The following CTNNA2 variants were observed in gnomAD, a reference collection of about 807,000 sequenced individuals.
CTNNA2 encodes catenin alpha-2.
Under a neutral mutation model 101.0 loss-of-function variants are expected in CTNNA2, and 42 were observed. That is an observed-to-expected ratio of 0.42 (90% CI 0.32 to 0.54). The LOEUF (loss-of-function observed/expected upper bound fraction) is 0.54, where lower values mean the gene tolerates loss of function less well. Among genes scored for constraint, CTNNA2 ranks in the 20% least tolerant of loss-of-function variants. CTNNA2 has a pLI of 0.14. For synonymous variants in CTNNA2, 450 were observed against 456.4 expected (o/e 0.99, Z 0.18); for missense variants, 871 against 1,223.1 (o/e 0.71, Z 4.29).
chr2:79,289,249 A>G (rs929945857), intron 2 of CTNNA2, among the ~76,000 whole-genome samples: 1 of 152,228 alleles, frequency 6.6e-6, no homozygotes, highest in African/African-American at 2.4e-5. Flanking sequence ...TGACAGAGCC[A>G]GGGAAAGCAA....
intron 7 of CTNNA2, among the ~76,000 whole-genome samples, chr2:80,042,270 G>GT (rs1696115081): frequency 6.6e-6 from 1 of 151,906 alleles, no homozygotes; most frequent in South Asian, 2.1e-4. Flanking sequence ...TGACCTAGTT[G>GT]TTTTTTGTTT....
chr2:79,686,254 G>A (rs1222534464), intron 2 of CTNNA2, among the ~76,000 whole-genome samples: 1 of 152,076 alleles, frequency 6.6e-6, no homozygotes, highest in Non-Finnish European at 1.5e-5. Flanking sequence ...AGGCAAGAAG[G>A]ATTTGTTCAA....
chr2:79,403,482 G>A (rs1005632579), intron 4 of CTNNA2, among the ~76,000 whole-genome samples: 2 of 151,916 alleles, frequency 1.3e-5, no homozygotes, highest in South Asian at 2.1e-4. Context: ...TGGCTGGGGG[G>A]ACCATGTTAA....
chr2:79,493,173 C>A (rs1430637), intron 4 of CTNNA2, among the ~76,000 whole-genome samples: 50,199 of 149,120 alleles, frequency 0.34, 8,722 homozygotes, highest in Non-Finnish European at 0.38. Context: ...AAATTCTAAC[C>A]AAGACAAAGA....
chr2:79,418,693 TGAA>T (rs1678509296), intron 4 of CTNNA2, among the ~76,000 whole-genome samples: 1 of 152,094 alleles, frequency 6.6e-6, no homozygotes, highest in East Asian at 1.9e-4. Context: ...CTGCATGTTG[TGAA>T]GATTAAAGAA....
At chr2:79,407,098 A>G (rs1418129575) in intron 4 of CTNNA2, among the ~76,000 whole-genome samples, 1 of 152,038 alleles carries the variant, frequency 6.6e-6, no homozygotes, top group African/African-American at 2.4e-5. Flanking sequence ...GTCCCAATGT[A>G]TAACCCTGAC....
intron 7 of CTNNA2, among the ~76,000 whole-genome samples, chr2:80,355,590 G>A (rs187352914): frequency 2.0e-5 from 3 of 152,206 alleles, no homozygotes; most frequent in Admixed American, 1.3e-4. Context: ...TTGGCTACAC[G>A]CTGCCAGACA....
chr2:80,350,487 C>G (rs538776556), intron 7 of CTNNA2, among the ~76,000 whole-genome samples: 2 of 152,160 alleles, frequency 1.3e-5, no homozygotes, highest in South Asian at 4.1e-4. Context: ...GCAGTTGCTA[C>G]AAGAAGTGGC....
At chr2:79,812,250 G>C (rs949746625) in intron 3 of CTNNA2, among the ~76,000 whole-genome samples, 1 of 151,852 alleles carries the variant, frequency 6.6e-6, no homozygotes, top group African/African-American at 2.4e-5. Context: ...TATTGCACTG[G>C]CTAGGACTTC....
intron 4 of CTNNA2, among the ~76,000 whole-genome samples, chr2:79,383,172 A>T (rs1678059269): frequency 6.6e-6 from 1 of 152,238 alleles, no homozygotes. Flanking sequence ...AAGTCAAAAC[A>T]GTAGAAGATA....
At chr2:80,232,354 T>G (rs1473861389) in intron 7 of CTNNA2, among the ~76,000 whole-genome samples, 20 of 14,786 alleles carry the variant, frequency 1.4e-3, no homozygotes, top group African/African-American at 8.5e-3. Context: ...TGTTTTTTTT[T>G]TTTTTTTTTT....
At chr2:79,215,886 T>C (rs188228836) in intron 2 of CTNNA2, among the ~76,000 whole-genome samples, 1 of 151,640 alleles carries the variant, frequency 6.6e-6, no homozygotes, top group Non-Finnish European at 1.5e-5. Context: ...AGCTCGGCCT[T>C]GCGAGGAAGG....
intron 15 of CTNNA2, chr2:80,603,523 T>C (rs1456572769): frequency 6.6e-6 from 1 of 152,100 alleles, no homozygotes; most frequent in African/African-American, 2.4e-5. Flanking sequence ...AGTGCCAAAC[T>C]GGACTTAAAA....
At chr2:79,534,422 G>A (rs1347247815) in intron 1 of CTNNA2, among the ~76,000 whole-genome samples, 1 of 152,032 alleles carries the variant, frequency 6.6e-6, no homozygotes, top group Non-Finnish European at 1.5e-5. Flanking sequence ...GCTAGGATAA[G>A]TTTATATAGC....
At chr2:80,428,390 G>T (rs1418923654) in intron 9 of CTNNA2, among the ~76,000 whole-genome samples, 4 of 152,172 alleles carry the variant, frequency 2.6e-5, no homozygotes, top group African/African-American at 9.7e-5. Context: ...CAATGATATT[G>T]CAATAGTCCA....
intron 7 of CTNNA2, among the ~76,000 whole-genome samples, chr2:80,136,052 T>A (rs1424657722): frequency 1.3e-5 from 2 of 152,152 alleles, no homozygotes; most frequent in Non-Finnish European, 2.9e-5. Context: ...AAACTTAATC[T>A]CCTGGGCTTA....
chr2:79,487,818 C>A (rs1671171926), intron 4 of CTNNA2, among the ~76,000 whole-genome samples: 2 of 152,062 alleles, frequency 1.3e-5, no homozygotes, highest in African/African-American at 2.4e-5. Flanking sequence ...TTGCTTTAAG[C>A]CACCATGTTT....
chr2:79,447,890 G>C (rs1175234478), intron 4 of CTNNA2, among the ~76,000 whole-genome samples: 2 of 151,896 alleles, frequency 1.3e-5, no homozygotes, highest in Non-Finnish European at 2.9e-5. Context: ...ACTGGAGGAG[G>C]GGCAAGAAGT....
At chr2:79,456,117 C>T (rs406471) in intron 4 of CTNNA2, among the ~76,000 whole-genome samples, 60,685 of 150,324 alleles carry the variant, frequency 0.4, 12,319 homozygotes, top group South Asian at 0.49. Context: ...ATTACATCTT[C>T]AAATTAGTTT....
Sources: allele counts gnomAD v4.1 joint callset (sites outside exome capture counted in the v4.1 genomes callset), GRCh38; gene constraint gnomAD v4.1.1; transcripts MANE v1.5; gene names NCBI Gene and HGNC (gene_info 2026-07-23, HGNC 2026-07-21).